Variants in GAREM2 observed in about 807,000 individuals in gnomAD.
GAREM2 encodes GRB2 associated regulator of MAPK1 subtype 2.
GAREM2 carries 30 observed loss-of-function variants against 55.6 expected under a neutral mutation model. That is an observed-to-expected ratio of 0.54 (90% CI 0.40 to 0.73). GAREM2 has a LOEUF of 0.73. Among genes scored for constraint, GAREM2 ranks in the 30% least tolerant of loss-of-function variants. The pLI, the probability that GAREM2 is intolerant of heterozygous loss-of-function variation, is 0.00. For synonymous variants in GAREM2, 550 were observed against 569.1 expected (o/e 0.97, Z 0.48); for missense variants, 1,075 against 1,257.7 (o/e 0.85, Z 2.20).
chr2:26,175,740 C>T (rs1449981921), intron 1 of GAREM2, among the ~76,000 whole-genome samples: 2 of 152,194 alleles, frequency 1.3e-5, no homozygotes, highest in Non-Finnish European at 2.9e-5. Flanking sequence ...CTGAGCGACC[C>T]GTGGCTCTGG....
chr2:26,197,133 G>A, the GAREM2 span, among the ~76,000 whole-genome samples: 4 of 152,206 alleles, frequency 2.6e-5, no homozygotes, highest in African/African-American at 9.6e-5. Flanking sequence ...AGAGAAGTGA[G>A]TTGTTTTACT....
chr2:26,173,208 G>C lies in GAREM2; in HGVS notation c.-13G>C. On this transcript the variant is annotated 5_prime_UTR_variant, in exon 1 of 6. Transcript: ENST00000401533. ...TCGGGGCCCCGGGACGGCGGCCCCG[G>C]GGCGCCCATGCCATGGAGAAGCTGG... 8.2e-7 allele frequency: 1 copy of C among 1,224,160 alleles called. No individual in the cohort carries two copies. The highest frequency in any genetic ancestry group is 1.0e-6 in the Non-Finnish European group (1 of 966,796). 75.8% of individuals were successfully genotyped at this position (1,224,160 alleles called of 1,614,324 possible).
At chr2:26,195,049 G>T in the GAREM2 span, 1 of 1,531,868 alleles carries the variant, frequency 6.5e-7, no homozygotes, top group Non-Finnish European at 9.0e-7. Flanking sequence ...AGTCTTATTA[G>T]AACTTTTCAA....
At chr2:26,201,054 A>T in the GAREM2 span, 2 of 923,386 alleles carry the variant, frequency 2.2e-6, no homozygotes, top group East Asian at 5.0e-5. Flanking sequence ...TTTTTATAAA[A>T]GCAATCATGA....
At chr2:26,200,110 G>C in the GAREM2 span, among the ~76,000 whole-genome samples, 1 of 152,196 alleles carries the variant, frequency 6.6e-6, no homozygotes, top group Non-Finnish European at 1.5e-5. Flanking sequence ...GGTTTTGTTA[G>C]CTCTATGGGC....
chr2:26,178,305 A>G (rs1282146440), intron 2 of GAREM2, among the ~76,000 whole-genome samples: 6 of 152,116 alleles, frequency 3.9e-5, no homozygotes, highest in Non-Finnish European at 8.8e-5. Context: ...AGTGGCTCTT[A>G]TATGTAATCC....
the GAREM2 span, chr2:26,201,326 A>G: frequency 6.3e-7 from 1 of 1,590,932 alleles, no homozygotes; most frequent in Non-Finnish European, 8.6e-7. Context: ...TCAATCTAGA[A>G]AAAACACATT....
Position 26,185,180 on chromosome 2 carries a change from GC to G in GAREM2, c.1337del (p.Pro446GlnfsTer32). On this transcript the variant is annotated frameshift_variant, in exon 4 of 6. Transcript: ENST00000401533. LOFTEE classifies it high-confidence loss of function. The part of the protein sequence containing the change: ...HQGPEGLVRP[P>X]PGLDLISFGA... The stretch of plus-strand genomic sequence containing the variant: ...AGGGGCCCGAGGGCCTCGTCCGGCC[GC>G]CCCCAGGGCTCGATCTCATCTCCTT... The G allele has an allele frequency of 1.3e-6, 2 of 1,508,084 alleles. No individual in the cohort carries two copies. The highest frequency in any genetic ancestry group is 1.4e-5 in the African/African-American group (1 of 69,470). The allele number at this position is 1,508,084 out of a possible 1,614,324, so 93.4% of individuals were successfully genotyped here.
chr2:26,177,306 C>A (rs1273388164), intron 2 of GAREM2, among the ~76,000 whole-genome samples: 1 of 152,192 alleles, frequency 6.6e-6, no homozygotes, highest in Non-Finnish European at 1.5e-5. Flanking sequence ...CTGGTGGCCC[C>A]ATCCCAGAGA....
intron 3 of GAREM2, 129 bp from the exon 4 acceptor site, chr2:26,184,104 C>T: frequency 7.2e-7 from 1 of 1,390,860 alleles, no homozygotes; most frequent in Non-Finnish European, 9.7e-7. Flanking sequence ...ATCTCCTGGC[C>T]TACCATCTAG....
At chr2:26,193,768 C>T, downstream of GAREM2, 3 of 1,614,012 alleles carry the variant, frequency 1.9e-6, 1 homozygote, top group Non-Finnish European at 2.5e-6. Flanking sequence ...CGGGTCAACT[C>T]CTTCCTGAAC....
At position 26,173,121 on chromosome 2, in the gene GAREM2, C is replaced by T. The variant is rs1267405661; in HGVS notation, c.-100C>T. On this transcript the variant is annotated 5_prime_UTR_variant, in exon 1 of 6. Transcript: ENST00000401533. ...CCCGGCGGGGCTGCCAGGCGGCGAG[C>T]GCCGCGGCGGCCCCGGGAGGTGGCG... 7.9e-5 allele frequency: 16 copies of T among 201,860 alleles called. No homozygotes were observed. Among genetic ancestry groups the T allele is most frequent in the African/African-American group, 3.9e-4 (16 of 40,840 alleles). The allele number at this position is 201,860 out of a possible 1,614,324, so 12.5% of individuals were successfully genotyped here. A position where few individuals can be genotyped will look rare whatever the true frequency, so the allele number is the denominator to read the frequency against.
downstream of GAREM2, among the ~76,000 whole-genome samples, chr2:26,190,278 C>T (rs555779127): frequency 1.3e-5 from 2 of 152,300 alleles, no homozygotes; most frequent in African/African-American, 2.4e-5. Context: ...ACTGGAATTA[C>T]GATTCCGCAC....
chr2:26,204,065 T>C, the GAREM2 span: 32 of 1,613,942 alleles, frequency 2.0e-5, no homozygotes, highest in African/African-American at 4.0e-4. Flanking sequence ...GGCTTACCCT[T>C]TGAACACTTG....
chr2:26,184,815 C>T lies in GAREM2; in HGVS notation c.967C>T (p.Arg323Cys). The change falls in exon 4 of 6, where the codon CGC (arginine) becomes TGC (cysteine). Residue 323 changes from arginine to cysteine, a missense_variant. By Grantham distance (180) the Arg-to-Cys change is radical. Transcript: ENST00000401533. Reference sequence around the variant, plus strand: ...CTTCCTGCTGCTCACGGACACGCCGCGCTTCGCGCTGCCGCAGGGCCTGCT... The same window carrying T: ...CTTCCTGCTGCTCACGGACACGCCGTGCTTCGCGCTGCCGCAGGGCCTGCT... ...LHFLLLTDTPRFALPQGLLAG... is the reference protein window; with the variant it reads ...LHFLLLTDTPCFALPQGLLAG... 3 of 1,489,606 alleles carry T rather than the reference C, an allele frequency of 2.0e-6. No individual in the cohort carries two copies. The highest frequency in any genetic ancestry group is 2.7e-6 in the Non-Finnish European group (3 of 1,127,742). The allele number at this position is 1,489,606 out of a possible 1,614,324, so 92.3% of individuals were successfully genotyped here.
chr2:26,182,996 G>A lies in GAREM2; in HGVS notation c.283G>A (p.Asp95Asn). 1.3e-6 allele frequency: 2 copies of A among 1,551,698 alleles called. No homozygotes were observed. Among genetic ancestry groups the A allele is most frequent in the South Asian group, 1.2e-5 (1 of 84,066 alleles). Residue 95 changes from aspartate to asparagine, a missense_variant, in exon 3 of 6, where the codon GAT (aspartate) becomes AAT (asparagine). By Grantham distance (23) the Asp-to-Asn change is conservative. Around this residue, in one of 6 missense-constraint regions of GAREM2, gnomAD observed 230 missense variants for 310.6 expected, o/e 0.74. Transcript: ENST00000401533. ...GTTCAAGCTCCTGGAACAGGCCCGG[G>A]ATGTGCGGGAGCCAGTGAGGTACTT... ...GKFKLLEQAR[D>N]VREPVRYFSS...
In GAREM2 at chr2:26,179,371, C is replaced by T. The variant is rs991334193; in HGVS notation, c.253+2887C>T. On this transcript the variant is annotated intron_variant, in intron 2 of 5. Transcript: ENST00000401533. The surrounding 1 kb of genome is among the most constrained non-coding windows in gnomAD (Gnocchi z 4.7). ...AGCCCAGAGAGATTAAATAATTTGC[C>T]CAAGGTCACACAGCTGGCTAGTGGC... 6.6e-6 allele frequency among the ~76,000 whole-genome samples: 1 copy of T among 152,206 alleles called. No individual in the cohort carries two copies. Among genetic ancestry groups the T allele is most frequent in the Non-Finnish European group, 1.5e-5 (1 of 68,044 alleles).
rs1453479032 is a variant in GAREM2 at position 26,189,226 on chromosome 2, A to G, written c.*969A>G. On this transcript the variant is annotated 3_prime_UTR_variant, in exon 6 of 6. Transcript: ENST00000401533. The stretch of plus-strand genomic sequence containing the variant: ...TGGCACAGGAGGGTACAGTTGGGAG[A>G]GTGCGTTCCTGGAGCTCAGTCCTGC... The G allele has an allele frequency of 2.0e-5, 3 of 152,072 alleles. No homozygotes were observed. The highest frequency in any genetic ancestry group is 4.4e-5 in the Non-Finnish European group (3 of 68,054). 9.4% of individuals were successfully genotyped at this position (152,072 alleles called of 1,614,324 possible). A position where few individuals can be genotyped will look rare whatever the true frequency, so the allele number is the denominator to read the frequency against.
rs1045554394 is a variant in GAREM2, at chr2:26,188,413, G to A, written c.*156G>A. 5.6e-6 allele frequency: 3 copies of A among 537,098 alleles called. No homozygotes were observed. The highest frequency in any genetic ancestry group is 9.4e-6 in the Non-Finnish European group (3 of 320,360). 33.3% of individuals were successfully genotyped at this position (537,098 alleles called of 1,614,324 possible). ...ATCCAGGGGAGATGCATGTGGAAAT[G>A]TGGTCCTCTGGGGTCAGACCCCTGC... is the stretch of plus-strand genomic sequence containing the variant. On this transcript the variant is annotated 3_prime_UTR_variant, in exon 6 of 6. Transcript: ENST00000401533.
Sources: allele counts gnomAD v4.1 joint callset (sites outside exome capture counted in the v4.1 genomes callset), GRCh38; gene constraint gnomAD v4.1.1; regional missense constraint gnomAD v4.1.1; non-coding constraint Gnocchi (gnomAD v3.1); transcripts MANE v1.5; gene names NCBI Gene and HGNC (gene_info 2026-07-23, HGNC 2026-07-21).